ALDH2: variants seen among roughly 807,000 people sequenced by gnomAD.
ALDH2 encodes the protein aldehyde dehydrogenase, mitochondrial.
In ALDH2, 44 loss-of-function variants were observed where a neutral mutation model predicts 59.6. The ratio of observed to expected loss-of-function variants is 0.74; its 90% CI spans 0.58 to 0.95. ALDH2 has a LOEUF of 0.95. Ranked by LOEUF, ALDH2 falls within the 40% of genes least tolerant of loss-of-function variation. The pLI is 0.00. For synonymous variants in ALDH2, 291 were observed against 284.0 expected (o/e 1.02, Z -0.25); for missense variants, 570 against 696.3 (o/e 0.82, Z 2.04).
chr12:111,789,827 T>C lies in ALDH2; in HGVS notation c.445T>C (p.Tyr149His). 6.2e-7 allele frequency: 1 copy of C among 1,613,908 alleles called. No individual in the cohort carries two copies. The highest frequency in any genetic ancestry group is 1.7e-5 in the Admixed American group (1 of 59,994). Reference protein sequence around the residue: ...LDMVLKCLRYYAGWADKYHGK... With the variant: ...LDMVLKCLRYHAGWADKYHGK... ...TGAACGTTTCTTTGTTTAAAGGTATTATGCCGGCTGGGCTGATAAGTACCA... is the reference window on the plus strand; with the variant it reads ...TGAACGTTTCTTTGTTTAAAGGTATCATGCCGGCTGGGCTGATAAGTACCA... The change falls in exon 5 of 13, where the codon TAT becomes CAT. Residue 149 changes from tyrosine (Y) to histidine (H), a missense_variant. By Grantham distance (83) the Tyr-to-His change is moderately conservative (BLOSUM62 2). Coordinates refer to ENST00000261733, the MANE Select transcript of ALDH2 (RefSeq NM_000690.4).
chr12:111,789,743 T>C, intron 4 of ALDH2, 80 bp from the exon 5 acceptor site: 4 of 1,197,558 alleles, frequency 3.3e-6, no homozygotes, highest in Non-Finnish European at 4.9e-6. Context: ...CTGGACCAGT[T>C]TGAGTCTTCT....
chr12:111,781,299 A>G (rs2068270036), intron 1 of ALDH2, among the ~76,000 whole-genome samples: 1 of 152,188 alleles, frequency 6.6e-6, no homozygotes. Flanking sequence ...ATTTGGTGGC[A>G]GAAATGAGGC....
chr12:111,789,017 C>CTTTT (rs1224537015), intron 4 of ALDH2, among the ~76,000 whole-genome samples: 1 of 125,162 alleles, frequency 8.0e-6, no homozygotes, highest in Non-Finnish European at 1.7e-5. Flanking sequence ...TCTTTCTTTT[C>CTTTT]TTTTTTTTTT....
At position 111,803,885 on chromosome 12, in the gene ALDH2, C is replaced by G. The variant is rs1319756154; in HGVS notation, c.1433C>G (p.Ala478Gly). The change falls in exon 12 of 13, where the codon GCC becomes GGC. Residue 478 changes from alanine to glycine, a missense_variant. Ala to Gly is a moderately conservative substitution (Grantham distance 60). Coordinates refer to ENST00000261733, the MANE Select transcript of ALDH2 (RefSeq NM_000690.4). ...VWVNCYDVFG[A>G]QSPFGGYKMS... Reference sequence around the variant, plus strand: ...GTCAACTGCTATGATGTGTTTGGAGCCCAGTCACCCTTTGGTGGCTACAAG... The same window carrying G: ...GTCAACTGCTATGATGTGTTTGGAGGCCAGTCACCCTTTGGTGGCTACAAG... The G allele has an allele frequency of 6.2e-7, 1 of 1,612,802 alleles. No homozygotes were observed. Among genetic ancestry groups the G allele is most frequent in the East Asian group, 2.2e-5 (1 of 44,852 alleles).
chr12:111,773,535 C>G (rs2068216361), intron 1 of ALDH2, among the ~76,000 whole-genome samples: 1 of 152,192 alleles, frequency 6.6e-6, no homozygotes. Context: ...CTCTATAAGC[C>G]TGGTAGTATT....
At chr12:111,784,928 G>T (rs556864953) in intron 3 of ALDH2, among the ~76,000 whole-genome samples, 2 of 152,336 alleles carry the variant, frequency 1.3e-5, no homozygotes, top group Admixed American at 1.3e-4. Context: ...CTGAGGACTT[G>T]TGTCATTATG....
At chr12:111,803,760 T>G in intron 11 of ALDH2, 99 bp from the exon 12 acceptor site, 1 of 781,248 alleles carries the variant, frequency 1.3e-6, no homozygotes, top group South Asian at 4.8e-5. Flanking sequence ...TTTTTTTAAG[T>G]TAAAAATAAA....
At chr12:111,797,978 C>A (rs1478739644) in intron 9 of ALDH2, 100 bp from the exon 10 acceptor site, 2 of 1,420,706 alleles carry the variant, frequency 1.4e-6, no homozygotes, top group Admixed American at 3.8e-5. Context: ...TGACCTTGGT[C>A]CATTTCCCAG....
rs371600547 is a variant in ALDH2, at chr12:111,783,310, G to A, written c.360+12G>A. On this transcript the variant is annotated intron_variant, in intron 3 of 12. Coordinates refer to ENST00000261733, the MANE Select transcript of ALDH2 (RefSeq NM_000690.4). ...GGACCTACCTGGCGGTGAGTCCTCA[G>A]CCCTTCTCCCCCTCAGATCCCATGT... The A allele has an allele frequency of 1.0e-5, 16 of 1,594,372 alleles. No individual in the cohort carries two copies. In the African/African-American group the frequency reaches 2.1e-4, roughly 21 times the overall value.
At chr12:111,807,655 A>G (rs1355843053) in intron 12 of ALDH2, among the ~76,000 whole-genome samples, 2 of 152,150 alleles carry the variant, frequency 1.3e-5, no homozygotes, top group Admixed American at 1.3e-4. Context: ...CGTACTAAAC[A>G]AAGAGCATAG....
intron 9 of ALDH2, among the ~76,000 whole-genome samples, chr12:111,793,649 G>A (rs1159359417): frequency 6.6e-6 from 1 of 151,554 alleles, no homozygotes; most frequent in East Asian, 1.9e-4. Context: ...AGGCTGCAGT[G>A]CAGTGGCACG....
rs1453006324 is a variant in ALDH2 at position 111,783,262 on chromosome 12, G to A, written c.324G>A (p.Leu108=). The change falls in exon 3 of 13, where the codon CTG becomes CTA. Residue 108 remains leucine, a synonymous_variant. Coordinates refer to ENST00000261733, the MANE Select transcript of ALDH2 (RefSeq NM_000690.4). The part of the protein sequence containing the change: ...ASHRGRLLNR[L]ADLIERDRTY... ...ACAGGGGCCGGCTGCTGAACCGCCTGGCCGATCTGATCGAGCGGGACCGGA... is the reference window on the plus strand; with the variant it reads ...ACAGGGGCCGGCTGCTGAACCGCCTAGCCGATCTGATCGAGCGGGACCGGA... The A allele has an allele frequency of 6.2e-7, 1 of 1,612,650 alleles. No homozygotes were observed. Among genetic ancestry groups the A allele is most frequent in the Admixed American group, 1.7e-5 (1 of 59,908 alleles).
At chr12:111,805,924 G>A (rs1185444062) in intron 12 of ALDH2, among the ~76,000 whole-genome samples, 1 of 151,574 alleles carries the variant, frequency 6.6e-6, no homozygotes, top group Non-Finnish European at 1.5e-5. Context: ...TTGGGAGGCT[G>A]AGGCAGGAGA....
intron 9 of ALDH2, 134 bp downstream of exon 9, chr12:111,792,916 G>A (rs577222113): frequency 6.2e-5 from 62 of 1,005,988 alleles, no homozygotes; most frequent in East Asian, 4.8e-4. Context: ...CCTTTGGGAA[G>A]CTATGTTCCC....
chr12:111,791,176 A>G, intron 6 of ALDH2, 130 bp from the exon 7 acceptor site: 1 of 672,446 alleles, frequency 1.5e-6, no homozygotes. Context: ...TGCCCCATAC[A>G]ATTAGCTTCT....
At chr12:111,799,268 G>A (rs1395122534) in intron 10 of ALDH2, among the ~76,000 whole-genome samples, 2 of 151,460 alleles carry the variant, frequency 1.3e-5, no homozygotes, top group Non-Finnish European at 2.9e-5. Flanking sequence ...GGGTTCAAGC[G>A]ATTCTCCTGC....
intron 1 of ALDH2, among the ~76,000 whole-genome samples, chr12:111,770,916 G>C (rs2068194452): frequency 6.6e-6 from 1 of 151,946 alleles, no homozygotes; most frequent in African/African-American, 2.4e-5. Flanking sequence ...CTCCCAAAGT[G>C]CTGGGATTAA....
At chr12:111,808,516 C>T (rs1395774394) in intron 12 of ALDH2, among the ~76,000 whole-genome samples, 1 of 152,000 alleles carries the variant, frequency 6.6e-6, no homozygotes, top group African/African-American at 2.4e-5. Flanking sequence ...ACCAGCCTGA[C>T]CAACAAGGTG....
In ALDH2 at chr12:111,809,913, A is replaced by G; in HGVS notation, c.*338A>G. ...AGCTATTGTTTACAATTATATCACC[A>G]TTAAGGCAACTGCTACACCCTGCTT... is the stretch of plus-strand genomic sequence containing the variant. On this transcript the variant is annotated 3_prime_UTR_variant, in exon 13 of 13. Transcript: ENST00000261733. The G allele has an allele frequency of 2.5e-6, 1 of 393,618 alleles. No homozygotes were observed. 24.4% of individuals were successfully genotyped at this position (393,618 alleles called of 1,614,324 possible).
Sources: gnomAD v4.1 joint callset for allele counts (sites outside exome capture counted in the v4.1 genomes callset) on GRCh38, gnomAD v4.1.1 for gene constraint, MANE v1.5 for transcripts, NCBI Gene and HGNC (gene_info 2026-07-23, HGNC 2026-07-21) for gene names.